DDX10: variants seen among roughly 807,000 people sequenced by gnomAD.
DDX10 encodes DEAD-box helicase 10.
A neutral mutation model predicts 104.3 loss-of-function variants in DDX10; 74 were observed. The ratio of observed to expected loss-of-function variants is 0.71; its 90% confidence interval spans 0.59 to 0.86. The LOEUF is 0.86. Ranked by LOEUF, DDX10 falls within the 40% of genes least tolerant of loss-of-function variation. The pLI is 0.00. For synonymous variants in DDX10, 351 were observed against 353.4 expected (o/e 0.99, Z 0.08); for missense variants, 952 against 1,040.0 (o/e 0.92, Z 1.16).
chr11:108,685,540 C>T (rs148404643), intron 6 of DDX10, among the ~76,000 whole-genome samples: 34 of 152,272 alleles, frequency 2.2e-4, no homozygotes, highest in Admixed American at 5.9e-4. Flanking sequence ...TCCTATTCGG[C>T]CATCTTGGCT....
intron 13 of DDX10, among the ~76,000 whole-genome samples, chr11:108,745,685 TC>T (rs2094331050): frequency 6.6e-6 from 1 of 152,144 alleles, no homozygotes; most frequent in Non-Finnish European, 1.5e-5. Context: ...TAAAAGTGAG[TC>T]TTCCTTTCTA....
chr11:108,665,137 TCGCCGC>T lies in DDX10; in HGVS notation c.-7_-2del. On this transcript the variant is annotated 5_prime_UTR_variant, in exon 1 of 18. Coordinates refer to ENST00000322536, the MANE Select transcript of DDX10 (RefSeq NM_004398.4). ...TCGTGTCTGGGGTTGATCCGAGCTGTCGCCGCCGCCGCCGCAATGGGCAAAACGGCC... is the reference window on the plus strand; with the variant it reads ...TCGTGTCTGGGGTTGATCCGAGCTGTCGCCGCCGCAATGGGCAAAACGGCC... 6.3e-7 allele frequency: 1 copy of T among 1,598,074 alleles called. No homozygotes were observed. Among genetic ancestry groups the T allele is most frequent in the South Asian group, 1.1e-5 (1 of 88,636 alleles).
chr11:108,923,394 AT>A (rs1863860935), intron 17 of DDX10, among the ~76,000 whole-genome samples: 1 of 152,210 alleles, frequency 6.6e-6, no homozygotes, highest in Non-Finnish European at 1.5e-5. Context: ...AAATAAAAAT[AT>A]TTTTAAAAGC....
chr11:108,816,536 G>A (rs1044434825), intron 13 of DDX10, among the ~76,000 whole-genome samples: 1 of 148,694 alleles, frequency 6.7e-6, no homozygotes, highest in Non-Finnish European at 1.5e-5. Context: ...TATCTTGTGT[G>A]TAGACCAATA....
rs762751958 is a variant in DDX10 at position 108,723,292 on chromosome 11, G to A, written c.1795G>A (p.Ala599Thr). The A allele has an allele frequency of 1.2e-6, 2 of 1,613,688 alleles. No homozygotes were observed. The highest frequency in any genetic ancestry group is 2.2e-5 in the East Asian group (1 of 44,826). The stretch of plus-strand genomic sequence containing the variant: ...AGAAATGGAAGAGAAACTGGCAAAA[G>A]CAAAAGGATCTCAAGCCCCATCTCT... ...EEEMEEKLAK[A>T]KGSQAPSLPN... The change falls in exon 13 of 18, where the codon GCA (alanine) becomes ACA (threonine). Residue 599 changes from alanine (A) to threonine (T), a missense_variant. Ala to Thr is a moderately conservative substitution (Grantham distance 58, BLOSUM62 0). Around this residue, in one of 3 missense-constraint regions of DDX10, gnomAD observed 533 missense variants for 534.1 expected, o/e 1.00. Coordinates refer to ENST00000322536, the MANE Select transcript of DDX10 (RefSeq NM_004398.4).
At chr11:108,848,008 G>A (rs946500949) in intron 15 of DDX10, among the ~76,000 whole-genome samples, 2 of 152,114 alleles carry the variant, frequency 1.3e-5, no homozygotes, top group Non-Finnish European at 2.9e-5. Flanking sequence ...GCCATCAGAC[G>A]TTCTTTTACA....
chr11:108,737,232 A>G (rs1166865006), intron 13 of DDX10, among the ~76,000 whole-genome samples: 1 of 152,226 alleles, frequency 6.6e-6, no homozygotes, highest in African/African-American at 2.4e-5. Context: ...CCAAATTTTT[A>G]AAACTTATTT....
intron 1 of DDX10, among the ~76,000 whole-genome samples, chr11:108,666,105 A>G (rs1052645463): frequency 6.6e-6 from 1 of 152,004 alleles, no homozygotes; most frequent in Non-Finnish European, 1.5e-5. Flanking sequence ...CTTTCCCTAA[A>G]TCCCATGTTT....
At chr11:108,718,481 G>A (rs2094294282) in intron 11 of DDX10, among the ~76,000 whole-genome samples, 3 of 152,130 alleles carry the variant, frequency 2.0e-5, no homozygotes, top group African/African-American at 7.2e-5. Flanking sequence ...AGCTTTGGAA[G>A]TAGTACACAC....
intron 7 of DDX10, among the ~76,000 whole-genome samples, chr11:108,691,581 TTAAAA>T (rs1362469723): frequency 6.6e-6 from 1 of 152,172 alleles, no homozygotes; most frequent in Non-Finnish European, 1.5e-5. Context: ...CCACAGGAAA[TTAAAA>T]TAAGTTTTTT....
intron 11 of DDX10, among the ~76,000 whole-genome samples, chr11:108,718,348 C>G (rs1173340446): frequency 6.6e-6 from 1 of 152,068 alleles, no homozygotes; most frequent in Non-Finnish European, 1.5e-5. Flanking sequence ...ACCTGAGAAC[C>G]TTTTCATTAA....
intron 13 of DDX10, among the ~76,000 whole-genome samples, chr11:108,828,166 T>A (rs1392044596): frequency 6.6e-6 from 1 of 152,206 alleles, no homozygotes; most frequent in Non-Finnish European, 1.5e-5. Flanking sequence ...AATTTTTTTT[T>A]ATTTCAACAG....
intron 16 of DDX10, among the ~76,000 whole-genome samples, chr11:108,909,301 A>G (rs1456858218): frequency 4.6e-5 from 7 of 152,136 alleles, no homozygotes; most frequent in Admixed American, 1.3e-4. Flanking sequence ...ACGGTGGCCC[A>G]CCCAGGAAGG....
chr11:108,809,202 A>C (rs972053812), intron 13 of DDX10, among the ~76,000 whole-genome samples: 3 of 152,198 alleles, frequency 2.0e-5, no homozygotes, highest in Non-Finnish European at 4.4e-5. Flanking sequence ...AGGCCACTGT[A>C]CTGACTCAGT....
At chr11:108,671,927 G>C (rs989442528) in intron 1 of DDX10, among the ~76,000 whole-genome samples, 4 of 151,974 alleles carry the variant, frequency 2.6e-5, no homozygotes, top group Non-Finnish European at 4.4e-5. Context: ...TGGGCGTGGT[G>C]GTGGGCGCCT....
intron 13 of DDX10, among the ~76,000 whole-genome samples, chr11:108,789,674 A>T (rs1408662423): frequency 6.6e-6 from 1 of 152,210 alleles, no homozygotes; most frequent in Non-Finnish European, 1.5e-5. Flanking sequence ...GTATCTCAAA[A>T]ATTGTATTGC....
chr11:108,769,916 T>G (rs1480384080), intron 13 of DDX10, among the ~76,000 whole-genome samples: 1 of 152,210 alleles, frequency 6.6e-6, no homozygotes, highest in East Asian at 1.9e-4. Flanking sequence ...ATAAAATAGT[T>G]AATGAAAAAT....
chr11:108,782,334 A>G (rs1028199059), intron 13 of DDX10, among the ~76,000 whole-genome samples: 6 of 152,218 alleles, frequency 3.9e-5, no homozygotes, highest in Admixed American at 6.5e-5. Context: ...TCATTTAGCT[A>G]TCATCCTTGA....
At chr11:108,696,692 G>T (rs1641556789) in intron 9 of DDX10, among the ~76,000 whole-genome samples, 1 of 152,122 alleles carries the variant, frequency 6.6e-6, no homozygotes, top group South Asian at 2.1e-4. Flanking sequence ...GGCCAGGGGT[G>T]TAGGCGCTTT....
Sources: allele counts gnomAD v4.1 joint callset (sites outside exome capture counted in the v4.1 genomes callset), GRCh38; gene constraint gnomAD v4.1.1; regional missense constraint gnomAD v4.1.1; transcripts MANE v1.5; gene names NCBI Gene and HGNC (gene_info 2026-07-23, HGNC 2026-07-21).